The following PITX3 variants were observed in gnomAD, a reference collection of about 807,000 sequenced individuals.
PITX3 encodes the protein paired like homeodomain 3.
Under a neutral mutation model 14.2 loss-of-function variants are expected in PITX3, and 4 were observed. The ratio of observed to expected loss-of-function variants is 0.28; its 90% CI spans 0.14 to 0.65. The LOEUF (loss-of-function observed/expected upper bound fraction) is 0.65. PITX3 is among the 30% of genes least tolerant of loss of function. The pLI is 0.82. For missense variants in PITX3, 358 were observed against 426.8 expected (o/e 0.84, Z 1.42); for synonymous variants, 194 against 204.5 (o/e 0.95, Z 0.44).
intron 3 of PITX3, 90 bp downstream of exon 3, chr10:102,231,498 G>C (rs2070235936): frequency 4.7e-6 from 4 of 845,342 alleles, no homozygotes; most frequent in Non-Finnish European, 5.6e-6. Context: ...CCGAGGGAGG[G>C]GGCAGGTGGG....
chr10:102,240,930 C>T (rs1188671389), intron 1 of PITX3, among the ~76,000 whole-genome samples: 2 of 152,212 alleles, frequency 1.3e-5, no homozygotes, highest in Admixed American at 6.5e-5. Flanking sequence ...CCGTCAACTG[C>T]CCCCACACTG....
At chr10:102,235,796 A>G (rs1322233787) in intron 1 of PITX3, among the ~76,000 whole-genome samples, 1 of 152,158 alleles carries the variant, frequency 6.6e-6, no homozygotes, top group African/African-American at 2.4e-5. Context: ...TCCCTGGTGA[A>G]TGAAGGTGAG....
chr10:102,235,091 C>T (rs999020497), intron 1 of PITX3, among the ~76,000 whole-genome samples: 57 of 152,190 alleles, frequency 3.7e-4, no homozygotes, highest in African/African-American at 8.4e-4. Context: ...CAGACAGACA[C>T]GTACCGTCAC....
intron 1 of PITX3, among the ~76,000 whole-genome samples, chr10:102,232,410 C>T (rs772249742): frequency 6.6e-6 from 1 of 152,208 alleles, no homozygotes; most frequent in Non-Finnish European, 1.5e-5. Flanking sequence ...AGGCCGGGCG[C>T]AGTGGCTCAC....
At chr10:102,233,984 T>C (rs1438440086) in intron 1 of PITX3, among the ~76,000 whole-genome samples, 1 of 151,840 alleles carries the variant, frequency 6.6e-6, no homozygotes, top group African/African-American at 2.4e-5. Context: ...TGCCTTTTGG[T>C]TGGAGGAGAA....
At chr10:102,231,421 G>A (rs1305438054) in intron 3 of PITX3, among the ~76,000 whole-genome samples, 167 bp downstream of exon 3, 2 of 152,100 alleles carry the variant, frequency 1.3e-5, no homozygotes, top group Non-Finnish European at 2.9e-5. Flanking sequence ...GGGAGCAGAG[G>A]CTGGAGGTTG....
chr10:102,234,618 T>A (rs2070336400), intron 1 of PITX3, among the ~76,000 whole-genome samples: 1 of 151,964 alleles, frequency 6.6e-6, no homozygotes. Context: ...GAAAAAGGGG[T>A]GCTCTGAAGT....
intron 1 of PITX3, among the ~76,000 whole-genome samples, chr10:102,240,707 CT>C (rs898188153): frequency 1.7e-4 from 26 of 152,362 alleles, no homozygotes; most frequent in African/African-American, 4.6e-4. Context: ...AGTCAGGACC[CT>C]TCTGGGCCCA....
rs905258019 is a variant in PITX3 at position 102,230,442 on chromosome 10, A to G, written c.*72T>C. The G allele has an allele frequency of 9.4e-5, 145 of 1,538,124 alleles. No homozygotes were observed. Among genetic ancestry groups the G allele is most frequent in the Non-Finnish European group, 1.3e-4 (143 of 1,138,072 alleles). On this transcript the variant is annotated 3_prime_UTR_variant, in exon 4 of 4. Transcript: ENST00000370002. ...ACCCTGGGGCGGGAGCAAGCCAGTC[A>G]AAATGACCCCAGTCCGCGGAGGCTG... is the stretch of plus-strand genomic sequence containing the variant.
Position 102,230,675 on chromosome 10 carries a change from C to A in PITX3, c.748G>T (p.Ala250Ser), listed in dbSNP as rs773283279. 1.3e-6 allele frequency: 2 copies of A among 1,581,674 alleles called. No individual in the cohort carries two copies. The highest frequency in any genetic ancestry group is 1.8e-5 in the Admixed American group (1 of 54,116). Residue 250 changes from alanine to serine, a missense_variant, in exon 4 of 4, where the codon GCC becomes TCC. Physicochemically the swap from Ala to Ser is moderately conservative, Grantham distance 99 (BLOSUM62 1). Coordinates refer to ENST00000370002, the MANE Select transcript of PITX3 (RefSeq NM_005029.4). The part of the protein sequence containing the change: ...ASAAAAAAAA[A>S]SSPYVYRDPC... ...TCCCGATAGACGTAGGGGGAAGAGG[C>A]GGCAGCCGCGGCGGCGGCGGCGGCC...
intron 1 of PITX3, among the ~76,000 whole-genome samples, chr10:102,237,311 T>C (rs2070421962): frequency 6.6e-6 from 1 of 151,904 alleles, no homozygotes; most frequent in Non-Finnish European, 1.5e-5. Context: ...CGTGACTGAA[T>C]TGGGAGTTCA....
Position 102,231,796 on chromosome 10 carries a change from G to A in PITX3, c.119-6C>T. ...AGCCGAGGCCTTTTCTGAGTCTGGG[G>A]GCCAGGGTGGGGGCAGGTCACAGAG... On this transcript the variant is annotated splice_polypyrimidine_tract_variant and splice_region_variant and intron_variant, in intron 2 of 3. Coordinates refer to ENST00000370002, the MANE Select transcript of PITX3 (RefSeq NM_005029.4). 1 of 1,596,586 alleles carries A rather than the reference G, an allele frequency of 6.3e-7. No homozygotes were observed.
intron 3 of PITX3, 58 bp from the exon 4 acceptor site, chr10:102,231,159 G>A (rs1590405212): frequency 2.1e-6 from 3 of 1,442,836 alleles, no homozygotes; most frequent in Non-Finnish European, 9.1e-7. Context: ...CGGCTGAAGG[G>A]CGGGCCACCC....
chr10:102,230,703 G>C lies in PITX3; in HGVS notation c.720C>G (p.Ala240=). Residue 240 remains alanine (A), a synonymous_variant, in exon 4 of 4, where the codon GCC becomes GCG. Transcript: ENST00000370002. ...CAGCCGCGGCGGCGGCGGCGGCCGA[G>C]GCATAAGGGCAGGACACGGCCCCGG... The part of the protein sequence containing the change: ...VSSGAVSCPY[A]SAAAAAAAAA... 8 of 1,558,182 alleles carry C rather than the reference G, an allele frequency of 5.1e-6. No homozygotes were observed. Among genetic ancestry groups the C allele is most frequent in the Non-Finnish European group, 6.9e-6 (8 of 1,151,590 alleles).
intron 1 of PITX3, among the ~76,000 whole-genome samples, chr10:102,232,489 C>G (rs1343097899): frequency 6.6e-6 from 1 of 152,140 alleles, no homozygotes; most frequent in Non-Finnish European, 1.5e-5. Flanking sequence ...TCGAGACCAG[C>G]CTGGCCAACA....
intron 1 of PITX3, among the ~76,000 whole-genome samples, chr10:102,239,558 A>G (rs1224571951): frequency 6.6e-6 from 1 of 152,268 alleles, no homozygotes; most frequent in Non-Finnish European, 1.5e-5. Flanking sequence ...AATCCTAGCC[A>G]GTAATAAGCA....
At position 102,231,026 on chromosome 10, in the gene PITX3, A is replaced by G. The variant is rs568438692; in HGVS notation, c.397T>C (p.Phe133Leu). ...ACCAGCCCCCCGAGCGGCGCCGCGA[A>G]GCTGCCTTTGCATAGCTCGGCCTGC... ...SQQAELCKGSFAAPLGGLVPP... is the reference protein window; with the variant it reads ...SQQAELCKGSLAAPLGGLVPP... Residue 133 changes from phenylalanine (F) to leucine (L), a missense_variant, in exon 4 of 4, where the codon TTC (phenylalanine) becomes CTC (leucine). By Grantham distance (22) the Phe-to-Leu change is conservative. This residue lies in a region of PITX3 where 236 missense variants were observed against 250.2 expected (regional missense o/e 0.94). Coordinates refer to ENST00000370002, the MANE Select transcript of PITX3 (RefSeq NM_005029.4). 1.9e-5 allele frequency: 30 copies of G among 1,600,806 alleles called. No homozygotes were observed. The African/African-American group carries it at 4.0e-4, about 21-fold the overall frequency.
chr10:102,236,852 G>A (rs1365356887), intron 1 of PITX3, among the ~76,000 whole-genome samples: 2 of 152,170 alleles, frequency 1.3e-5, no homozygotes, highest in African/African-American at 4.8e-5. Flanking sequence ...GAGAGGAGCT[G>A]GAGTTGTGAT....
In PITX3 at chr10:102,230,841, G is replaced by C. The variant is rs747415454; in HGVS notation, c.582C>G (p.Ile194Met). The C allele has an allele frequency of 6.3e-7, 1 of 1,588,552 alleles. No individual in the cohort carries two copies. Among genetic ancestry groups the C allele is most frequent in the African/African-American group, 1.3e-5 (1 of 74,422 alleles). The change falls in exon 4 of 4, where the codon ATC (isoleucine) becomes ATG (methionine). Residue 194 changes from isoleucine (I) to methionine (M), a missense_variant. Ile to Met is a conservative substitution (Grantham distance 10). Around this residue, in one of 3 missense-constraint regions of PITX3, gnomAD observed 236 missense variants for 250.2 expected, o/e 0.94. Coordinates refer to ENST00000370002, the MANE Select transcript of PITX3 (RefSeq NM_005029.4). The part of the protein sequence containing the change: ...SQPVFSPPSS[I>M]AASMVPSAAA... ...CGGCGGAGGGCACCATGGAGGCGGC[G>C]ATGGAGCTGGGTGGCGAGAAGACGG... is the stretch of plus-strand genomic sequence containing the variant.
Sources: allele counts gnomAD v4.1 joint callset (sites outside exome capture counted in the v4.1 genomes callset), GRCh38; gene constraint gnomAD v4.1.1; regional missense constraint gnomAD v4.1.1; transcripts MANE v1.5; gene names NCBI Gene and HGNC (gene_info 2026-07-23, HGNC 2026-07-21).